Variants in DROSHA observed in about 807,000 individuals in gnomAD.
DROSHA encodes drosha ribonuclease III, also known as ribonuclease 3.
A neutral mutation model predicts 181.9 loss-of-function variants in DROSHA; 56 were observed. The observed-to-expected ratio is 0.31, with a 90% CI of 0.25 to 0.38. DROSHA has a LOEUF of 0.38. Among genes scored for constraint, DROSHA ranks in the 10% least tolerant of loss-of-function variants. DROSHA has a pLI of 1.00. For missense variants in DROSHA, 1,218 were observed against 1,743.5 expected (o/e 0.70, Z 5.37); for synonymous variants, 524 against 591.2 (o/e 0.89, Z 1.65).
chr5:31,454,113 G>A (rs562198482), intron 20 of DROSHA, among the ~76,000 whole-genome samples: 5 of 152,152 alleles, frequency 3.3e-5, no homozygotes, highest in Non-Finnish European at 7.3e-5. Flanking sequence ...GAGAGGCACA[G>A]GCCCTGATAA....
chr5:31,516,744 T>C (rs1213120632), intron 6 of DROSHA, among the ~76,000 whole-genome samples: 1 of 152,212 alleles, frequency 6.6e-6, no homozygotes, highest in Admixed American at 6.5e-5. Context: ...TCTCATTCAG[T>C]AGTAAATCAG....
intron 20 of DROSHA, 92 bp from the exon 21 acceptor site, chr5:31,451,732 T>C: frequency 9.8e-6 from 10 of 1,019,328 alleles, no homozygotes; most frequent in Non-Finnish European, 1.5e-5. Context: ...ATTTTCACAT[T>C]CCAAATTCCA....
At chr5:31,485,892 A>G (rs1751687440) in intron 14 of DROSHA, among the ~76,000 whole-genome samples, 1 of 152,148 alleles carries the variant, frequency 6.6e-6, no homozygotes, top group African/African-American at 2.4e-5. Context: ...TTAAGTGCAC[A>G]AGCTTGTTTG....
intron 34 of DROSHA, among the ~76,000 whole-genome samples, chr5:31,406,020 A>G (rs543980812): frequency 6.6e-6 from 1 of 152,254 alleles, no homozygotes; most frequent in South Asian, 2.1e-4. Context: ...GAAGTATTTC[A>G]TACTTAAGTT....
intron 33 of DROSHA, among the ~76,000 whole-genome samples, chr5:31,408,367 C>A (rs1241377190): frequency 6.6e-6 from 1 of 152,142 alleles, no homozygotes; most frequent in Non-Finnish European, 1.5e-5. Flanking sequence ...TTCAATAATC[C>A]TTTCATTTTG....
In DROSHA at chr5:31,515,146, A is replaced by G. The variant is rs1580359629; in HGVS notation, c.1132T>C (p.Ser378Pro). 1.2e-6 allele frequency: 2 copies of G among 1,613,914 alleles called. No individual in the cohort carries two copies. The highest frequency in any genetic ancestry group is 2.2e-5 in the East Asian group (1 of 44,878). The stretch of plus-strand genomic sequence containing the variant: ...GAGGTATAGTTCTTGTCTTTGCCAG[A>G]ACTCTGGTTGTCACTCCAACGGTCT... ...EKDRWSDNQS[S>P]GKDKNYTSIK... Residue 378 changes from serine (S) to proline (P), a missense_variant, in exon 8 of 36, where the codon TCT (serine) becomes CCT (proline). Ser to Pro is a moderately conservative substitution (Grantham distance 74). Coordinates refer to ENST00000344624, the MANE Select transcript of DROSHA (RefSeq NM_001382508.1).
At chr5:31,486,633 C>A in intron 13 of DROSHA, 71 bp from the exon 14 acceptor site, 2 of 1,409,644 alleles carry the variant, frequency 1.4e-6, no homozygotes, top group Non-Finnish European at 2.0e-6. Flanking sequence ...ACGTTTGTTA[C>A]CTGACCCAAA....
At chr5:31,491,516 A>C (rs1432888358) in intron 13 of DROSHA, among the ~76,000 whole-genome samples, 1 of 152,224 alleles carries the variant, frequency 6.6e-6, no homozygotes, top group Non-Finnish European at 1.5e-5. Flanking sequence ...TATTACTTCT[A>C]GGGAATCAAG....
intron 13 of DROSHA, 68 bp downstream of exon 13, chr5:31,493,139 G>C: frequency 1.4e-6 from 2 of 1,459,590 alleles, no homozygotes; most frequent in Non-Finnish European, 9.4e-7. Flanking sequence ...GAAATGTTTT[G>C]ACTTTTGGAA....
chr5:31,444,512 A>T (rs1163853433), intron 23 of DROSHA, among the ~76,000 whole-genome samples: 1 of 152,184 alleles, frequency 6.6e-6, no homozygotes, highest in African/African-American at 2.4e-5. Context: ...AGAAAACATA[A>T]ATCATGGGGT....
chr5:31,485,829 G>A (rs1280397434), intron 14 of DROSHA, among the ~76,000 whole-genome samples: 6 of 152,108 alleles, frequency 3.9e-5, no homozygotes, highest in African/African-American at 1.4e-4. Flanking sequence ...ATTAAACAAG[G>A]TTTGCAAGCA....
At chr5:31,440,016 T>A (rs1745379506) in intron 23 of DROSHA, among the ~76,000 whole-genome samples, 1 of 152,174 alleles carries the variant, frequency 6.6e-6, no homozygotes, top group Admixed American at 6.5e-5. Flanking sequence ...TCTCAACCCA[T>A]CTGGCTTTCA....
chr5:31,506,366 A>AAG (rs1737958701), intron 10 of DROSHA, among the ~76,000 whole-genome samples: 2 of 150,450 alleles, frequency 1.3e-5, no homozygotes, highest in South Asian at 4.2e-4. Context: ...CCGTCTCAAA[A>AAG]AAAAAAAAAA....
intron 20 of DROSHA, among the ~76,000 whole-genome samples, chr5:31,457,631 T>TGTAA (rs1243410158): frequency 6.6e-6 from 1 of 152,176 alleles, no homozygotes; most frequent in Non-Finnish European, 1.5e-5. Context: ...GGCTCATGTC[T>TGTAA]GTAATCCCAG....
In DROSHA at chr5:31,421,332, T is replaced by C. The variant is rs202168096; in HGVS notation, c.3465A>G (p.Gln1155=). 2.1e-5 allele frequency: 34 copies of C among 1,613,696 alleles called. No homozygotes were observed. The African/African-American group carries it at 3.6e-4, about 17-fold the overall frequency. Residue 1155 remains glutamine (Q), a synonymous_variant, in exon 30 of 36, where the codon CAA becomes CAG. Transcript: ENST00000344624. ...RMEFLGDSIM[Q]LVATEYLFIH... is the part of the protein sequence containing the mutation. Reference sequence around the variant, plus strand: ...TGAATAAGTACTCTGTGGCTACCAGTTGCATTATGGAGTCACCTAGGAATT... The same window carrying C: ...TGAATAAGTACTCTGTGGCTACCAGCTGCATTATGGAGTCACCTAGGAATT...
intron 13 of DROSHA, among the ~76,000 whole-genome samples, chr5:31,487,064 T>A (rs1353125616): frequency 6.6e-6 from 1 of 152,128 alleles, no homozygotes; most frequent in East Asian, 1.9e-4. Context: ...TAATAACAAA[T>A]GATAATAAAA....
At chr5:31,446,434 G>A (rs1460451311) in intron 23 of DROSHA, among the ~76,000 whole-genome samples, 24 of 101,066 alleles carry the variant, frequency 2.4e-4, no homozygotes, top group East Asian at 1.2e-3. Context: ...GCGACAGAGC[G>A]AGACTCTGTC....
intron 27 of DROSHA, among the ~76,000 whole-genome samples, chr5:31,424,916 C>T (rs751178747): frequency 1.3e-5 from 2 of 152,086 alleles, no homozygotes; most frequent in Admixed American, 6.6e-5. Flanking sequence ...GAGTGGAAAA[C>T]GCCCCATGTC....
intron 9 of DROSHA, among the ~76,000 whole-genome samples, chr5:31,510,713 C>G (rs150087624): frequency 5.3e-5 from 8 of 152,198 alleles, no homozygotes; most frequent in Admixed American, 3.3e-4. Context: ...AGGAAGGACA[C>G]CTGTCCTCAT....
Sources: gnomAD v4.1 joint callset for allele counts (sites outside exome capture counted in the v4.1 genomes callset) on GRCh38, gnomAD v4.1.1 for gene constraint, MANE v1.5 for transcripts, NCBI Gene and HGNC (gene_info 2026-07-23, HGNC 2026-07-21) for gene names.